The following RANBP17 variants were observed in gnomAD, a reference collection of about 807,000 sequenced individuals.
The protein encoded by RANBP17 is RAN binding protein 17, also known as ran-binding protein 17.
RANBP17 carries 158 observed loss-of-function variants against 141.2 expected under a neutral mutation model. The ratio of observed to expected loss-of-function variants is 1.12; its 90% CI spans 0.98 to 1.28. RANBP17 has a LOEUF of 1.28. RANBP17 is among the 50% of genes most tolerant of loss of function. The pLI, the probability that RANBP17 is intolerant of heterozygous loss-of-function variation, is 0.00. For missense variants in RANBP17, 1,438 were observed against 1,290.7 expected, an observed-to-expected ratio of 1.11 and a Z score of -1.75; for synonymous variants, 430 against 450.0, an observed-to-expected ratio of 0.96 and a Z score of 0.56.
chr5:171,091,738 T>G (rs563935324), intron 14 of RANBP17, among the ~76,000 whole-genome samples: 148 of 152,306 alleles, frequency 9.7e-4, no homozygotes, highest in African/African-American at 3.5e-3. Context: ...TCTGATGGTA[T>G]TATAAGGGGA....
chr5:171,138,436 A>G (rs763227983), intron 14 of RANBP17, among the ~76,000 whole-genome samples: 43 of 152,068 alleles, frequency 2.8e-4, no homozygotes, highest in Non-Finnish European at 5.7e-4. Context: ...TGGCAAGAGA[A>G]AGTGAAGCCC....
intron 3 of RANBP17, among the ~76,000 whole-genome samples, chr5:170,890,669 T>C (rs1173073437): frequency 6.6e-6 from 1 of 152,204 alleles, no homozygotes; most frequent in Non-Finnish European, 1.5e-5. Flanking sequence ...GTTTTTTCTC[T>C]TTTAAAAATT....
chr5:171,055,358 G>A lies in RANBP17; in HGVS notation c.1710+86981G>A, dbSNP rs1783273237. Among the ~76,000 whole-genome samples the A allele has an allele frequency of 2.6e-5, 4 of 152,060 alleles. No individual in the cohort carries two copies. The South Asian group carries it at 8.3e-4, about 32-fold the overall frequency. On this transcript the variant is annotated intron_variant, in intron 14 of 27. Coordinates refer to ENST00000523189, the MANE Select transcript of RANBP17 (RefSeq NM_022897.5). ...TGATGAAACTAGCATGTACTAACAG[G>A]TGTACCATATTTCTTGAAACATAAT...
At chr5:171,177,354 C>A (rs1760554317) in intron 16 of RANBP17, among the ~76,000 whole-genome samples, 1 of 152,054 alleles carries the variant, frequency 6.6e-6, no homozygotes, top group African/African-American at 2.4e-5. Flanking sequence ...CTGATCATTT[C>A]TCTTCCCAAA....
intron 22 of RANBP17, among the ~76,000 whole-genome samples, chr5:171,228,160 G>A (rs532815405): frequency 6.6e-6 from 1 of 152,330 alleles, no homozygotes; most frequent in East Asian, 1.9e-4. Context: ...TTCCTCTGAT[G>A]GATCTGGGCA....
chr5:170,950,850 A>T (rs1043090361), intron 12 of RANBP17, among the ~76,000 whole-genome samples: 2 of 152,178 alleles, frequency 1.3e-5, no homozygotes, highest in Non-Finnish European at 2.9e-5. Context: ...TGATGGATGG[A>T]TAAAATAATG....
chr5:171,138,628 A>G (rs557809901), intron 14 of RANBP17, among the ~76,000 whole-genome samples: 3 of 151,852 alleles, frequency 2.0e-5, no homozygotes, highest in East Asian at 3.9e-4. Flanking sequence ...ACAAAACTCC[A>G]CCTGAATGCT....
At chr5:170,882,548 A>C (rs1355983203) in intron 3 of RANBP17, among the ~76,000 whole-genome samples, 2 of 152,182 alleles carry the variant, frequency 1.3e-5, no homozygotes, top group African/African-American at 4.8e-5. Flanking sequence ...GAGATCACAC[A>C]ACTAGAAAGT....
chr5:170,989,646 G>A (rs868174364), intron 14 of RANBP17, among the ~76,000 whole-genome samples: 4 of 151,826 alleles, frequency 2.6e-5, no homozygotes, highest in South Asian at 2.1e-4. Flanking sequence ...GAATAGATAC[G>A]TTTAGCCTGA....
chr5:171,197,780 T>C (rs536132399), intron 18 of RANBP17, among the ~76,000 whole-genome samples: 33 of 152,292 alleles, frequency 2.2e-4, no homozygotes, highest in African/African-American at 7.9e-4. Flanking sequence ...GGCTCACATC[T>C]GTAATCCCAG....
chr5:170,922,841 T>C (rs1298276162), intron 11 of RANBP17, among the ~76,000 whole-genome samples: 2 of 152,010 alleles, frequency 1.3e-5, no homozygotes, highest in Non-Finnish European at 2.9e-5. Flanking sequence ...GTCGAACCAG[T>C]CCCAATGAGA....
At chr5:171,140,976 GA>G in intron 14 of RANBP17, among the ~76,000 whole-genome samples, 1 of 152,286 alleles carries the variant, frequency 6.6e-6, no homozygotes, top group South Asian at 2.1e-4. Flanking sequence ...ATGAAAAGCA[GA>G]AACTATCTTT....
chr5:170,882,200 G>T (rs1381643770), intron 3 of RANBP17, among the ~76,000 whole-genome samples: 1 of 152,068 alleles, frequency 6.6e-6, no homozygotes, highest in African/African-American at 2.4e-5. Flanking sequence ...TCCTGCCTCA[G>T]CCTCCCGAGT....
chr5:171,299,017 A>G lies in RANBP17; in HGVS notation c.*159A>G. 2.1e-6 allele frequency: 1 copy of G among 487,208 alleles called. No individual in the cohort carries two copies. The highest frequency in any genetic ancestry group is 3.1e-5 in the East Asian group (1 of 32,084). The allele number at this position is 487,208 out of a possible 1,614,324, so 30.2% of individuals were successfully genotyped here. ...CTTCTTATACGTCTAGCCTAATTAT[A>G]AGAATTTCTAACAGTACCAGTGTAA... On this transcript the variant is annotated 3_prime_UTR_variant, in exon 28 of 28. Transcript: ENST00000523189.
At chr5:171,091,236 A>G (rs1460056527) in intron 14 of RANBP17, among the ~76,000 whole-genome samples, 1 of 152,162 alleles carries the variant, frequency 6.6e-6, no homozygotes, top group Non-Finnish European at 1.5e-5. Flanking sequence ...CATGGCCTGG[A>G]TGTGAGACAT....
chr5:171,017,803 G>A lies in RANBP17; in HGVS notation c.1710+49426G>A, dbSNP rs368360495. Reference sequence around the variant, plus strand: ...TTGGTTTTTGTTGCAATTGCTTTTGGCGTTTTCATCATGAAGTCTTTGCCC... The same window carrying A: ...TTGGTTTTTGTTGCAATTGCTTTTGACGTTTTCATCATGAAGTCTTTGCCC... On this transcript the variant is annotated intron_variant, in intron 14 of 27. Coordinates refer to ENST00000523189, the MANE Select transcript of RANBP17 (RefSeq NM_022897.5). 4.1e-4 allele frequency among the ~76,000 whole-genome samples: 62 copies of A among 152,192 alleles called. 1 individual carries two copies. The South Asian group carries it at 0.012, about 31-fold the overall frequency.
chr5:171,294,136 A>AG (rs1240550857), intron 26 of RANBP17, among the ~76,000 whole-genome samples, 155 bp downstream of exon 26: 1 of 152,096 alleles, frequency 6.6e-6, no homozygotes, highest in Non-Finnish European at 1.5e-5. Flanking sequence ...TTCCCCTACA[A>AG]GGCCCTTCCC....
intron 14 of RANBP17, among the ~76,000 whole-genome samples, chr5:170,988,166 A>C (rs915027559): frequency 1.6e-4 from 24 of 151,542 alleles, no homozygotes; most frequent in African/African-American, 5.8e-4. Context: ...AATGATTATA[A>C]ATTCTCAATC....
intron 1 of RANBP17, chr5:170,867,075 C>T (rs377394499): frequency 1.6e-4 from 24 of 152,376 alleles, no homozygotes; most frequent in African/African-American, 5.8e-4. Flanking sequence ...TAGTGCTGAT[C>T]TGTAGTGGGA....
Sources: gnomAD v4.1 joint callset for allele counts (sites outside exome capture counted in the v4.1 genomes callset) on GRCh38, gnomAD v4.1.1 for gene constraint, MANE v1.5 for transcripts, NCBI Gene and HGNC (gene_info 2026-07-23, HGNC 2026-07-21) for gene names.